Variants in PCDH7 observed in about 807,000 individuals in gnomAD.
PCDH7 encodes the protein protocadherin 7.
PCDH7 carries 17 observed loss-of-function variants against 58.9 expected under a neutral mutation model. The observed-to-expected ratio is 0.29, with a 90% CI of 0.20 to 0.43. The LOEUF (loss-of-function observed/expected upper bound fraction) is 0.43. Among genes scored for constraint, PCDH7 ranks in the 20% least tolerant of loss-of-function variants. The pLI, the probability that PCDH7 is intolerant of heterozygous loss-of-function variation, is 1.00. For missense variants in PCDH7, 1,274 were observed against 1,441.0 expected (o/e 0.88, Z 1.88); for synonymous variants, 664 against 616.4 (o/e 1.08, Z -1.14).
rs757362580 is a variant in PCDH7, at chr4:30,723,615, T to C, written c.2193T>C (p.Phe731=). The C allele has an allele frequency of 5.6e-6, 9 of 1,614,064 alleles. No homozygotes were observed. The highest frequency in any genetic ancestry group is 7.6e-6 in the Non-Finnish European group (9 of 1,180,050). ...CTGCCACAGCTACAGTCTCGCTTTTTGTGATGGATGAAAATGACAATGCTC... is the reference window on the plus strand; with the variant it reads ...CTGCCACAGCTACAGTCTCGCTTTTCGTGATGGATGAAAATGACAATGCTC... The change falls in exon 1 of 2, where the codon TTT becomes TTC. Residue 731 remains phenylalanine (F), a synonymous_variant. Coordinates refer to ENST00000361762, the Ensembl canonical transcript of PCDH7. This position sits in a 1 kb window ranked among gnomAD's most constrained non-coding sequence, Gnocchi z 4.6.
chr4:30,829,165 A>C (rs1175472503), intron 1 of PCDH7, among the ~76,000 whole-genome samples: 1 of 151,960 alleles, frequency 6.6e-6, no homozygotes, highest in Non-Finnish European at 1.5e-5. Flanking sequence ...CATTTGAGAA[A>C]CTGATCCTGG....
At chr4:30,965,149 G>A (rs190750283) in intron 3 of PCDH7, among the ~76,000 whole-genome samples, 12 of 152,174 alleles carry the variant, frequency 7.9e-5, no homozygotes, top group Admixed American at 7.8e-4. Flanking sequence ...AGTATATTTA[G>A]TACACGGTCT....
chr4:31,104,393 A>AC (rs1469050648), intron 3 of PCDH7, among the ~76,000 whole-genome samples: 1 of 152,094 alleles, frequency 6.6e-6, no homozygotes, highest in Non-Finnish European at 1.5e-5. Context: ...TCTCATACGC[A>AC]CCCCTTCTCT....
At chr4:30,801,021 C>T (rs1046166012) in intron 1 of PCDH7, among the ~76,000 whole-genome samples, 2 of 152,284 alleles carry the variant, frequency 1.3e-5, no homozygotes, top group South Asian at 2.1e-4. Context: ...GGATGCTTGT[C>T]AGGGGACTAG....
Position 31,108,439 on chromosome 4 carries a change from C to T in PCDH7, c.*8-34034C>T, listed in dbSNP as rs181086933. Among the ~76,000 whole-genome samples the T allele has an allele frequency of 3.5e-3, 416 of 119,394 alleles. 4 individuals carry two copies. The highest frequency in any genetic ancestry group is 9.3e-3 in the African/African-American group (324 of 34,750). 78.3% of individuals were successfully genotyped at this position (119,394 alleles called of 152,430 possible). ...TTTCTAATTATACAGGAAAAAGAGA[C>T]GGGGGAAACGAGTGCCAAAAGATTG... is the stretch of plus-strand genomic sequence containing the variant. On this transcript the variant is annotated intron_variant, in intron 3 of 3. Coordinates refer to the PCDH7 transcript ENST00000509759.
chr4:30,938,118 T>C (rs1250622948), intron 2 of PCDH7, among the ~76,000 whole-genome samples: 1 of 152,084 alleles, frequency 6.6e-6, no homozygotes, highest in Non-Finnish European at 1.5e-5. Context: ...AAATGTAATA[T>C]AGCTACATGG....
At chr4:30,957,679 T>A (rs1215573526) in intron 3 of PCDH7, among the ~76,000 whole-genome samples, 1 of 152,184 alleles carries the variant, frequency 6.6e-6, no homozygotes, top group African/African-American at 2.4e-5. Context: ...TTCTTATATC[T>A]GAACTAGTTC....
At chr4:30,895,143 A>AAAT (rs942309330) in intron 1 of PCDH7, among the ~76,000 whole-genome samples, 1 of 151,772 alleles carries the variant, frequency 6.6e-6, no homozygotes, top group Non-Finnish European at 1.5e-5. Context: ...AGCAAAAAAA[A>AAAT]AATAATAATA....
chr4:30,904,211 A>G (rs1312296473), intron 1 of PCDH7, among the ~76,000 whole-genome samples: 1 of 152,228 alleles, frequency 6.6e-6, no homozygotes, highest in Non-Finnish European at 1.5e-5. Flanking sequence ...GCTTAAAACA[A>G]TGCACATTTG....
intron 3 of PCDH7, among the ~76,000 whole-genome samples, chr4:31,039,818 A>T (rs1450647697): frequency 6.6e-6 from 1 of 152,186 alleles, no homozygotes; most frequent in African/African-American, 2.4e-5. Context: ...CACGGAGTAA[A>T]TTATAAGCAA....
intron 3 of PCDH7, among the ~76,000 whole-genome samples, chr4:30,963,181 G>A (rs1560537534): frequency 6.6e-6 from 1 of 152,150 alleles, no homozygotes; most frequent in Non-Finnish European, 1.5e-5. Context: ...CTGGCTTTTG[G>A]CCTAAATCTA....
chr4:30,953,013 G>A lies in PCDH7; in HGVS notation c.*7+2798G>A, dbSNP rs149354743. Reference sequence around the variant, plus strand: ...TTTCTTTATGTAGAGTGCCTGAAGCGTAGAATAAATATTTGCTGAATTAGT... The same window carrying A: ...TTTCTTTATGTAGAGTGCCTGAAGCATAGAATAAATATTTGCTGAATTAGT... On this transcript the variant is annotated intron_variant, in intron 3 of 3. Transcript: ENST00000509759. 6.6e-5 allele frequency among the ~76,000 whole-genome samples: 10 copies of A among 152,230 alleles called. No individual in the cohort carries two copies. The East Asian group carries it at 9.7e-4, about 15-fold the overall frequency.
At chr4:30,780,254 C>T (rs893532628) in intron 1 of PCDH7, among the ~76,000 whole-genome samples, 20 of 152,004 alleles carry the variant, frequency 1.3e-4, no homozygotes, top group African/African-American at 4.8e-4. Flanking sequence ...GCCTGTAATC[C>T]TAGCACTTTG....
chr4:30,730,896 T>C, exon 2 of PCDH7: 1 of 1,407,550 alleles, frequency 7.1e-7, no homozygotes, highest in Non-Finnish European at 9.3e-7. Flanking sequence ...CAATCACTGC[T>C]TGTTCCACTT....
intron 1 of PCDH7, among the ~76,000 whole-genome samples, chr4:30,891,844 A>C (rs977331797): frequency 1.3e-5 from 2 of 151,836 alleles, no homozygotes; most frequent in African/African-American, 4.8e-5. Flanking sequence ...TACTCCAGAA[A>C]ACATGGGGGT....
intron 3 of PCDH7, among the ~76,000 whole-genome samples, chr4:31,035,255 T>G (rs1755303925): frequency 7.2e-6 from 1 of 138,000 alleles, no homozygotes; most frequent in South Asian, 2.4e-4. Context: ...CCCTTTTTTT[T>G]TTTTTTTTTT....
intron 3 of PCDH7, among the ~76,000 whole-genome samples, chr4:31,010,901 G>C (rs1309432666): frequency 6.6e-6 from 1 of 151,890 alleles, no homozygotes; most frequent in African/African-American, 2.4e-5. Flanking sequence ...GCAGCCTTTA[G>C]AGCAATTTTG....
intron 3 of PCDH7, among the ~76,000 whole-genome samples, chr4:31,013,698 CATAA>C (rs1275471055): frequency 6.6e-6 from 1 of 151,774 alleles, no homozygotes; most frequent in Admixed American, 6.6e-5. Context: ...TTATTTTTCA[CATAA>C]ATGTTATGTG....
chr4:31,082,837 C>T (rs926507685), intron 3 of PCDH7, among the ~76,000 whole-genome samples: 2 of 152,182 alleles, frequency 1.3e-5, no homozygotes, highest in African/African-American at 2.4e-5. Context: ...CACGGTGGCT[C>T]AGGCCTGTAA....
Sources: allele counts gnomAD v4.1 joint callset (sites outside exome capture counted in the v4.1 genomes callset), GRCh38; gene constraint gnomAD v4.1.1; non-coding constraint Gnocchi (gnomAD v3.1); transcripts MANE v1.5; gene names NCBI Gene and HGNC (gene_info 2026-07-23, HGNC 2026-07-21).